Variants in PRKG2 observed in about 807,000 individuals in gnomAD.
The protein encoded by PRKG2 is cGMP-dependent protein kinase 2.
Under a neutral mutation model 97.2 loss-of-function variants are expected in PRKG2, and 33 were observed. That is an observed-to-expected ratio of 0.34 (90% CI 0.26 to 0.45). The LOEUF (loss-of-function observed/expected upper bound fraction) is 0.45, where lower values mean the gene tolerates loss of function less well. Among genes scored for constraint, PRKG2 ranks in the 20% least tolerant of loss-of-function variants. PRKG2 has a pLI of 1.00. For missense variants in PRKG2, 638 were observed against 900.0 expected (o/e 0.71, Z 3.73); for synonymous variants, 330 against 321.8 (o/e 1.03, Z -0.27).
chr4:81,199,336 A>T (rs1753154803), intron 2 of PRKG2, among the ~76,000 whole-genome samples: 2 of 152,036 alleles, frequency 1.3e-5, no homozygotes, highest in African/African-American at 2.4e-5. Context: ...CATTGCATTT[A>T]AAAAAAATTA....
chr4:81,197,812 TAAGGA>T (rs2110121423), intron 2 of PRKG2, among the ~76,000 whole-genome samples: 1 of 151,850 alleles, frequency 6.6e-6, no homozygotes, highest in South Asian at 2.1e-4. Flanking sequence ...CAACATGAAA[TAAGGA>T]AAAGGGAAGC....
At chr4:81,124,544 C>G (rs79333335) in intron 14 of PRKG2, among the ~76,000 whole-genome samples, 1 of 152,144 alleles carries the variant, frequency 6.6e-6, no homozygotes, top group Non-Finnish European at 1.5e-5. Context: ...GGATGACCCA[C>G]CCAGAGGGAA....
At chr4:81,133,146 T>A (rs576384445) in intron 14 of PRKG2, among the ~76,000 whole-genome samples, 1 of 152,178 alleles carries the variant, frequency 6.6e-6, no homozygotes, top group East Asian at 1.9e-4. Context: ...TTGCTTAGAT[T>A]TTTCCATCCT....
At chr4:81,127,768 A>G (rs1446960090) in intron 14 of PRKG2, among the ~76,000 whole-genome samples, 2 of 152,214 alleles carry the variant, frequency 1.3e-5, no homozygotes, top group Admixed American at 1.3e-4. Flanking sequence ...CAATCATGTC[A>G]TCTGCAAACA....
intron 1 of PRKG2, among the ~76,000 whole-genome samples, chr4:81,209,107 G>C (rs1046247341): frequency 2.0e-5 from 3 of 152,170 alleles, no homozygotes; most frequent in African/African-American, 7.2e-5. Context: ...AACTACATAA[G>C]ACTACAAATT....
At chr4:81,194,049 T>C (rs1320368085) in intron 2 of PRKG2, among the ~76,000 whole-genome samples, 3 of 152,142 alleles carry the variant, frequency 2.0e-5, no homozygotes, top group Admixed American at 6.6e-5. Context: ...AGATTTTCTC[T>C]TCTACCCTAC....
chr4:81,182,707 T>A (rs1278493788), intron 2 of PRKG2, among the ~76,000 whole-genome samples: 1 of 152,118 alleles, frequency 6.6e-6, no homozygotes, highest in African/African-American at 2.4e-5. Context: ...CAATCTCACT[T>A]GATATAAAGT....
At chr4:81,133,338 G>A (rs78543833) in intron 14 of PRKG2, among the ~76,000 whole-genome samples, 3,109 of 152,110 alleles carry the variant, frequency 0.02, 115 homozygotes, top group African/African-American at 0.071. Context: ...TAATGTATGT[G>A]ATTCCTGGTT....
At chr4:81,114,356 A>ATT (rs1744285309) in intron 14 of PRKG2, among the ~76,000 whole-genome samples, 1 of 152,164 alleles carries the variant, frequency 6.6e-6, no homozygotes, top group Non-Finnish European at 1.5e-5. Flanking sequence ...AGAGATAATC[A>ATT]TTAACGTCAG....
chr4:81,142,752 T>A, intron 11 of PRKG2, 42 bp downstream of exon 11: 7 of 1,487,496 alleles, frequency 4.7e-6, no homozygotes, highest in Non-Finnish European at 6.3e-6. Context: ...AAAAAAAAAG[T>A]CAAAAGGCTT....
At chr4:81,181,652 G>A (rs909832533) in intron 2 of PRKG2, among the ~76,000 whole-genome samples, 2 of 151,576 alleles carry the variant, frequency 1.3e-5, no homozygotes, top group Non-Finnish European at 2.9e-5. Context: ...AGAGAGGGAG[G>A]AGGTATAATT....
chr4:81,094,008 G>T (rs2109944477), intron 17 of PRKG2, among the ~76,000 whole-genome samples: 1 of 152,264 alleles, frequency 6.6e-6, no homozygotes, highest in East Asian at 1.9e-4. Flanking sequence ...TGATAGACTT[G>T]CTTGATGCAG....
intron 9 of PRKG2, among the ~76,000 whole-genome samples, chr4:81,144,998 A>C (rs1747718265): frequency 6.6e-6 from 1 of 151,962 alleles, no homozygotes; most frequent in Non-Finnish European, 1.5e-5. Context: ...TTCTTAATCC[A>C]GTCTATCATT....
chr4:81,176,681 T>C (rs1454845834), intron 2 of PRKG2, among the ~76,000 whole-genome samples: 1 of 152,180 alleles, frequency 6.6e-6, no homozygotes, highest in Non-Finnish European at 1.5e-5. Context: ...TTAAGCAACT[T>C]TGGAAATTTA....
rs374060890 is a variant in PRKG2, at chr4:81,171,525, G to A, written c.742+166C>T. ...GTTCTTTTTAGCTTAAATTATATAG[G>A]TAAGTGCTTCAGTATAAATCCCTTA... On this transcript the variant is annotated intron_variant, in intron 4 of 18. Coordinates refer to ENST00000264399, the MANE Select transcript of PRKG2 (RefSeq NM_006259.3). 4.1e-4 allele frequency among the ~76,000 whole-genome samples: 63 copies of A among 152,144 alleles called. 3 individuals carry two copies. Among genetic ancestry groups the A allele is most frequent in the African/African-American group, 1.4e-3 (59 of 41,502 alleles).
intron 9 of PRKG2, 62 bp from the exon 10 acceptor site, chr4:81,144,392 CT>C: frequency 7.6e-7 from 1 of 1,308,836 alleles, no homozygotes; most frequent in South Asian, 1.2e-5. Context: ...ACTTGACATT[CT>C]TCTAAGCTCA....
intron 11 of PRKG2, among the ~76,000 whole-genome samples, chr4:81,142,474 C>T (rs529388238): frequency 6.6e-5 from 10 of 152,236 alleles, no homozygotes; most frequent in Admixed American, 2.6e-4. Context: ...TATATAGACA[C>T]GCATTTGCTG....
chr4:81,123,988 T>A (rs895520456), intron 14 of PRKG2, among the ~76,000 whole-genome samples: 3 of 152,186 alleles, frequency 2.0e-5, no homozygotes, highest in South Asian at 2.1e-4. Context: ...GGAATAATTA[T>A]TACTTTATGC....
chr4:81,127,109 T>C (rs1745671221), intron 14 of PRKG2, among the ~76,000 whole-genome samples: 2 of 152,232 alleles, frequency 1.3e-5, no homozygotes, highest in Non-Finnish European at 1.5e-5. Flanking sequence ...CCCGACACCA[T>C]TTATTGATTA....
Sources: gnomAD v4.1 joint callset for allele counts (sites outside exome capture counted in the v4.1 genomes callset) on GRCh38, gnomAD v4.1.1 for gene constraint, MANE v1.5 for transcripts, NCBI Gene and HGNC (gene_info 2026-07-23, HGNC 2026-07-21) for gene names.